ALDH7A1: variants seen among roughly 807,000 people sequenced by gnomAD.
ALDH7A1 encodes the protein alpha-aminoadipic semialdehyde dehydrogenase.
A neutral mutation model predicts 79.9 loss-of-function variants in ALDH7A1; 63 were observed. The observed-to-expected ratio is 0.79, with a 90% confidence interval of 0.64 to 0.97. The LOEUF is 0.97. ALDH7A1 is among the 50% of genes least tolerant of loss of function. The pLI is 0.00. For synonymous variants in ALDH7A1, 240 were observed against 231.2 expected, an observed-to-expected ratio of 1.04 and a Z score of -0.34; for missense variants, 627 against 665.2, an observed-to-expected ratio of 0.94 and a Z score of 0.63.
intron 9 of ALDH7A1, among the ~76,000 whole-genome samples, chr5:126,567,654 A>G (rs896706173): frequency 4.1e-4 from 61 of 149,110 alleles, no homozygotes; most frequent in Non-Finnish European, 6.1e-4. Context: ...TTGTATTTTT[A>G]GCAGAGACGG....
chr5:126,565,183 T>G (rs542686462), intron 9 of ALDH7A1, among the ~76,000 whole-genome samples: 2 of 151,870 alleles, frequency 1.3e-5, no homozygotes, highest in Non-Finnish European at 2.9e-5. Context: ...TCACAAGGTC[T>G]GGAGTTTGAG....
rs766138931 is a variant in ALDH7A1 at position 126,568,372 on chromosome 5, C to G, written c.774-16G>C. 2 of 1,608,408 alleles carry G rather than the reference C, an allele frequency of 1.2e-6. No homozygotes were observed. The highest frequency in any genetic ancestry group is 2.2e-5 in the South Asian group (2 of 90,972). On this transcript the variant is annotated splice_polypyrimidine_tract_variant and intron_variant, in intron 8 of 17. Transcript: ENST00000409134. ...CATTGCTGTGCTGCAAGGGAACAGA[C>G]ACGGTCGGCCACCCAAGCAGAGAAA...
At chr5:126,548,047 G>A (rs796936812) in intron 16 of ALDH7A1, among the ~76,000 whole-genome samples, 10 of 148,748 alleles carry the variant, frequency 6.7e-5, no homozygotes, top group African/African-American at 1.5e-4. Flanking sequence ...GCAAGATTCC[G>A]TCTCAAAAAA....
intron 17 of ALDH7A1, 90 bp from the exon 18 acceptor site, chr5:126,545,109 A>G: frequency 1.0e-6 from 1 of 973,872 alleles, no homozygotes; most frequent in South Asian, 1.4e-5. Flanking sequence ...ATCTGTATAT[A>G]TTAACAAGGC....
rs1014463850 is a variant in ALDH7A1, at chr5:126,592,547, A to C, written c.312+117T>G. ...CCCTAGTACAGTATCACAGCCCCCA[A>C]GGAGCTCACATTTTAACAAGGCGGC... On this transcript the variant is annotated intron_variant, in intron 3 of 17. Coordinates refer to ENST00000409134, the MANE Select transcript of ALDH7A1 (RefSeq NM_001182.5). 5.0e-6 allele frequency: 5 copies of C among 998,896 alleles called. No homozygotes were observed. The East Asian group carries it at 1.3e-4, about 25-fold the overall frequency. 61.9% of individuals were successfully genotyped at this position (998,896 alleles called of 1,614,324 possible).
rs375299345 is a variant in ALDH7A1 at position 126,545,027 on chromosome 5, G to A, written c.1566-8C>T. On this transcript the variant is annotated splice_region_variant and splice_polypyrimidine_tract_variant and intron_variant, in intron 17 of 17. Transcript: ENST00000409134. ...TTACTGTAGTTGATAGTACTAGTGGGAAAAAATAACAGAATTAATGACAGT... is the reference window on the plus strand; with the variant it reads ...TTACTGTAGTTGATAGTACTAGTGGAAAAAAATAACAGAATTAATGACAGT... 15 of 1,599,228 alleles carry A rather than the reference G, an allele frequency of 9.4e-6. No homozygotes were observed. Among genetic ancestry groups the A allele is most frequent in the Admixed American group, 1.7e-5 (1 of 59,944 alleles).
At chr5:126,589,392 G>C (rs1751464646) in intron 3 of ALDH7A1, among the ~76,000 whole-genome samples, 2 of 152,030 alleles carry the variant, frequency 1.3e-5, no homozygotes, top group Non-Finnish European at 2.9e-5. Flanking sequence ...CCCAACCTCA[G>C]GTGATCCGCC....
At chr5:126,584,865 C>T (rs1359511076) in intron 3 of ALDH7A1, among the ~76,000 whole-genome samples, 1 of 151,890 alleles carries the variant, frequency 6.6e-6, no homozygotes, top group Non-Finnish European at 1.5e-5. Context: ...TGAAGGGAAA[C>T]ATCAGGTTTT....
intron 5 of ALDH7A1, among the ~76,000 whole-genome samples, chr5:126,578,121 T>G (rs1398948817): frequency 1.3e-5 from 2 of 149,872 alleles, no homozygotes; most frequent in Admixed American, 1.3e-4. Context: ...AAACCCTGTC[T>G]CTACTGAAAA....
At chr5:126,584,355 T>A (rs893968846) in intron 3 of ALDH7A1, 2 of 320,230 alleles carry the variant, frequency 6.2e-6, no homozygotes, top group African/African-American at 4.4e-5. Context: ...ATGGGTAAGT[T>A]ACTTTACCTA....
In ALDH7A1 at chr5:126,582,935, C is replaced by A; in HGVS notation, c.433G>T (p.Gly145Cys). The part of the protein sequence containing the change: ...EMGKILVEGV[G>C]EVQEYVDICD... ...ATATCCACATACTCCTGAACTTCAC[C>A]CACACCTTCCACTAAGATTTTCCCC... The change falls in exon 5 of 18, where the codon GGT (glycine) becomes TGT (cysteine). Residue 145 changes from glycine to cysteine, a missense_variant. Physicochemically the swap from Gly to Cys is radical, Grantham distance 159. Coordinates refer to ENST00000409134, the MANE Select transcript of ALDH7A1 (RefSeq NM_001182.5). 6.2e-7 allele frequency: 1 copy of A among 1,613,844 alleles called. No individual in the cohort carries two copies. Among genetic ancestry groups the A allele is most frequent in the Non-Finnish European group, 8.5e-7 (1 of 1,179,954 alleles).
rs771357813 is a variant in ALDH7A1, at chr5:126,595,102, G to A, written c.97C>T (p.Leu33Phe). The change falls in exon 1 of 18, where the codon CTC becomes TTC. Residue 33 changes from leucine (L) to phenylalanine (F), a missense_variant. Leu to Phe is a conservative substitution (Grantham distance 22). Transcript: ENST00000409134. ...SRPAAFMSTL[L>F]INQPQYAWLK... is the part of the protein sequence containing the mutation. Reference sequence around the variant, plus strand: ...CACGCATACTGGGGCTGATTGATGAGGAGAGTGGACATGAAGGCGGCAGGC... The same window carrying A: ...CACGCATACTGGGGCTGATTGATGAAGAGAGTGGACATGAAGGCGGCAGGC... The A allele has an allele frequency of 5.0e-6, 8 of 1,596,082 alleles. No individual in the cohort carries two copies. The highest frequency in any genetic ancestry group is 3.4e-5 in the South Asian group (3 of 88,044).
intron 16 of ALDH7A1, among the ~76,000 whole-genome samples, chr5:126,546,784 C>A (rs1383015865): frequency 6.6e-6 from 1 of 152,120 alleles, no homozygotes. Context: ...TAACTGTCTT[C>A]TTTATCTCTC....
intron 9 of ALDH7A1, among the ~76,000 whole-genome samples, chr5:126,565,658 G>T (rs1023563370): frequency 3.3e-4 from 50 of 152,240 alleles, no homozygotes; most frequent in African/African-American, 1.2e-3. Context: ...TGCTTTAGTT[G>T]TCATTTCTAA....
intron 15 of ALDH7A1, 64 bp from the exon 16 acceptor site, chr5:126,550,066 TA>T (rs1749937791): frequency 1.9e-6 from 3 of 1,581,744 alleles, no homozygotes; most frequent in Non-Finnish European, 2.6e-6. Flanking sequence ...CAAAAATAAA[TA>T]AAAAATCTAA....
chr5:126,556,100 A>T, intron 11 of ALDH7A1, 85 bp from the exon 12 acceptor site: 1 of 820,194 alleles, frequency 1.2e-6, no homozygotes, highest in Non-Finnish European at 2.0e-6. Context: ...TAGTTACTGA[A>T]ATACTGTAAT....
At chr5:126,592,511 A>C in intron 3 of ALDH7A1, 153 bp downstream of exon 3, 1 of 718,708 alleles carries the variant, frequency 1.4e-6, no homozygotes, top group Non-Finnish European at 2.4e-6. Context: ...GTGTTTCCAA[A>C]ACAGCAGGAG....
intron 5 of ALDH7A1, chr5:126,581,473 A>G (rs955179494): frequency 7.3e-6 from 1 of 136,596 alleles, no homozygotes; most frequent in African/African-American, 2.5e-5. Flanking sequence ...CACCTCTACA[A>G]AAAAAAAAAA....
At chr5:126,570,520 C>T in intron 8 of ALDH7A1, 2 of 416,716 alleles carry the variant, frequency 4.8e-6, no homozygotes, top group South Asian at 4.5e-5. Flanking sequence ...GGCTGCCCCC[C>T]ATTACAGCAG....
Sources: gnomAD v4.1 joint callset for allele counts (sites outside exome capture counted in the v4.1 genomes callset) on GRCh38, gnomAD v4.1.1 for gene constraint, MANE v1.5 for transcripts, NCBI Gene and HGNC (gene_info 2026-07-23, HGNC 2026-07-21) for gene names.